The following WDR7 variants were observed in gnomAD, a reference collection of about 807,000 sequenced individuals.
WDR7 encodes WD repeat-containing protein 7.
A neutral mutation model predicts 169.4 loss-of-function variants in WDR7; 46 were observed. That is an observed-to-expected ratio of 0.27 (90% CI 0.21 to 0.35). The LOEUF (loss-of-function observed/expected upper bound fraction) is 0.35. WDR7 is among the 10% of genes least tolerant of loss of function. The pLI, the probability that WDR7 is intolerant of heterozygous loss-of-function variation, is 1.00. For missense variants in WDR7, 1,534 were observed against 1,859.3 expected (o/e 0.83, Z 3.22); for synonymous variants, 612 against 666.8 (o/e 0.92, Z 1.27).
chr18:56,775,973 A>C (rs1361438884), intron 16 of WDR7, among the ~76,000 whole-genome samples: 2 of 152,192 alleles, frequency 1.3e-5, no homozygotes, highest in Non-Finnish European at 2.9e-5. Context: ...AGAAGTGTCA[A>C]ATGGTGACCT....
intron 26 of WDR7, among the ~76,000 whole-genome samples, chr18:56,994,484 G>A (rs118003141): frequency 0.016 from 2,470 of 152,248 alleles, 34 homozygotes; most frequent in Non-Finnish European, 0.024. Flanking sequence ...ACCATTAAAT[G>A]TGCTCTCTCA....
chr18:56,936,197 C>G (rs1010656140), intron 23 of WDR7: 2 of 325,520 alleles, frequency 6.1e-6, no homozygotes, highest in Non-Finnish European at 1.1e-5. Context: ...TATGAAAACT[C>G]AAATACATTA....
intron 12 of WDR7, among the ~76,000 whole-genome samples, chr18:56,703,317 A>G (rs534276042): frequency 6.6e-6 from 1 of 152,364 alleles, no homozygotes; most frequent in African/African-American, 2.4e-5. Context: ...TCTTTTTAAT[A>G]TATCATACTA....
At chr18:56,671,965 C>T (rs7237377) in intron 1 of WDR7, among the ~76,000 whole-genome samples, 4,342 of 152,168 alleles carry the variant, frequency 0.029, 185 homozygotes, top group African/African-American at 0.098. Flanking sequence ...TTTCTGAGAA[C>T]GGTTTGACCT....
intron 25 of WDR7, among the ~76,000 whole-genome samples, chr18:56,956,244 C>T (rs568779036): frequency 1.3e-5 from 2 of 152,194 alleles, no homozygotes; most frequent in Admixed American, 1.3e-4. Flanking sequence ...ATTGCCCCAC[C>T]CTCCACCGTT....
At chr18:56,862,068 G>T (rs1312207256) in intron 20 of WDR7, among the ~76,000 whole-genome samples, 1 of 151,848 alleles carries the variant, frequency 6.6e-6, no homozygotes, top group Non-Finnish European at 1.5e-5. Context: ...TTCCAAATAA[G>T]CCTAAGTATA....
chr18:56,956,489 C>G (rs958367415), intron 25 of WDR7, among the ~76,000 whole-genome samples: 1 of 152,098 alleles, frequency 6.6e-6, no homozygotes, highest in Non-Finnish European at 1.5e-5. Context: ...ACCCTTGAAT[C>G]TTTTAGGCTG....
intron 4 of WDR7, 145 bp downstream of exon 4, chr18:56,681,536 A>G: frequency 1.9e-6 from 1 of 522,430 alleles, no homozygotes. Context: ...AAGCGGTAAA[A>G]GTGTTCCTCG....
chr18:56,689,046 A>G (rs2025508367), intron 7 of WDR7, among the ~76,000 whole-genome samples: 1 of 152,210 alleles, frequency 6.6e-6, no homozygotes, highest in Admixed American at 6.5e-5. Flanking sequence ...GGACAAAAAT[A>G]TTTCACAAAA....
chr18:56,913,470 A>G (rs1269554057), intron 21 of WDR7, among the ~76,000 whole-genome samples: 1 of 151,974 alleles, frequency 6.6e-6, no homozygotes, highest in Non-Finnish European at 1.5e-5. Flanking sequence ...TGTCCACTCT[A>G]TCTTTAAAAA....
chr18:56,765,145 T>C (rs1048720044), intron 16 of WDR7, among the ~76,000 whole-genome samples: 7 of 152,100 alleles, frequency 4.6e-5, no homozygotes, highest in African/African-American at 1.7e-4. Context: ...ATATTTAAGA[T>C]GTGTTTCTTG....
At chr18:57,020,977 A>G in intron 27 of WDR7, 128 bp downstream of exon 27, 2 of 751,566 alleles carry the variant, frequency 2.7e-6, no homozygotes, top group Non-Finnish European at 4.4e-6. Context: ...GCAAACATCC[A>G]GTCTGTATTG....
intron 20 of WDR7, among the ~76,000 whole-genome samples, chr18:56,859,615 A>G (rs1036132652): frequency 6.6e-6 from 1 of 152,192 alleles, no homozygotes; most frequent in African/African-American, 2.4e-5. Context: ...AGTCCCTAGT[A>G]TGCCTTCCCA....
chr18:56,872,176 C>A (rs2045961938), intron 20 of WDR7, among the ~76,000 whole-genome samples: 1 of 152,198 alleles, frequency 6.6e-6, no homozygotes, highest in South Asian at 2.1e-4. Context: ...GATTCCTATT[C>A]CAGTTAAAAC....
intron 25 of WDR7, among the ~76,000 whole-genome samples, chr18:56,956,829 C>A (rs28481756): frequency 0.04 from 6,045 of 152,188 alleles, 378 homozygotes; most frequent in African/African-American, 0.13. Context: ...GCATATCCTG[C>A]AGACTGTAAC....
At chr18:56,706,817 A>G (rs2025967029) in intron 12 of WDR7, among the ~76,000 whole-genome samples, 1 of 150,300 alleles carries the variant, frequency 6.7e-6, no homozygotes, top group Admixed American at 6.7e-5. Context: ...CCTCCCGAGT[A>G]GCTGGGACTA....
At chr18:56,765,901 T>C (rs1376233119) in intron 16 of WDR7, among the ~76,000 whole-genome samples, 1 of 152,224 alleles carries the variant, frequency 6.6e-6, no homozygotes, top group Admixed American at 6.5e-5. Flanking sequence ...GTTGTTTTGC[T>C]GTACCTATCA....
intron 26 of WDR7, among the ~76,000 whole-genome samples, chr18:56,980,831 A>T (rs1056325709): frequency 1.3e-5 from 2 of 152,172 alleles, no homozygotes; most frequent in Non-Finnish European, 2.9e-5. Context: ...GAGGAAAGGG[A>T]ACCTGACACA....
chr18:56,951,066 T>G lies in WDR7; in HGVS notation c.4065-11364T>G, dbSNP rs79848144. Among the ~76,000 whole-genome samples the G allele has an allele frequency of 7.4e-3, 1,125 of 152,254 alleles. 16 individuals are homozygous for G. Among genetic ancestry groups the G allele is most frequent in the African/African-American group, 0.024 (998 of 41,544 alleles). On this transcript the variant is annotated intron_variant, in intron 25 of 27. Transcript: ENST00000254442. The stretch of plus-strand genomic sequence containing the variant: ...CTATTTCCTCTGCCTAGAAGGCACC[T>G]CCTCCAGATATTGACGAAGCCAGCT...
Sources: gnomAD v4.1 joint callset for allele counts (sites outside exome capture counted in the v4.1 genomes callset) on GRCh38, gnomAD v4.1.1 for gene constraint, MANE v1.5 for transcripts, NCBI Gene and HGNC (gene_info 2026-07-23, HGNC 2026-07-21) for gene names.